Variants in SEMA3E observed in about 807,000 individuals in gnomAD.
SEMA3E encodes semaphorin 3E, also known as semaphorin-3E.
SEMA3E carries 49 observed loss-of-function variants against 93.6 expected under a neutral mutation model. That is an observed-to-expected ratio of 0.52 (90% CI 0.42 to 0.66). The LOEUF is 0.66. Among genes scored for constraint, SEMA3E ranks in the 30% least tolerant of loss-of-function variants. The probability of loss-of-function intolerance (pLI) is 0.00; values close to 1 mark genes in which losing one functional copy is unlikely to be tolerated. For missense variants in SEMA3E, 906 were observed against 964.8 expected (o/e 0.94, Z 0.81); for synonymous variants, 363 against 330.7 (o/e 1.10, Z -1.06).
intron 1 of SEMA3E, among the ~76,000 whole-genome samples, chr7:83,533,060 T>C (rs1791336082): frequency 7.4e-6 from 1 of 134,936 alleles, no homozygotes; most frequent in African/African-American, 2.5e-5. Context: ...AAACACTGTG[T>C]CATCACAAGT....
intron 3 of SEMA3E, 114 bp downstream of exon 3, chr7:83,469,129 C>T: frequency 1.2e-6 from 1 of 805,090 alleles, no homozygotes; most frequent in Non-Finnish European, 2.1e-6. Context: ...CTTCATGAAC[C>T]AAATTGCATA....
chr7:83,610,864 A>G (rs1793237656), intron 1 of SEMA3E, among the ~76,000 whole-genome samples: 1 of 152,024 alleles, frequency 6.6e-6, no homozygotes, highest in South Asian at 2.1e-4. Context: ...TTGTGAGAAA[A>G]TCAAATTCAG....
chr7:83,482,370 TC>T (rs995554738), intron 2 of SEMA3E, among the ~76,000 whole-genome samples: 1 of 151,568 alleles, frequency 6.6e-6, no homozygotes, highest in African/African-American at 2.4e-5. Flanking sequence ...ATTGAGACCA[TC>T]CCAGCTAACA....
At chr7:83,396,755 A>T (rs1392925298) in intron 11 of SEMA3E, 26 bp from the exon 12 acceptor site, 1 of 1,496,842 alleles carries the variant, frequency 6.7e-7, no homozygotes, top group South Asian at 1.1e-5. Context: ...ACAAGAAATA[A>T]ACTAGAATCT....
Position 83,365,265 on chromosome 7 carries a change from C to T in SEMA3E, c.*2321G>A, listed in dbSNP as rs376125038. On this transcript the variant is annotated 3_prime_UTR_variant, in exon 17 of 17. Coordinates refer to ENST00000643230, the MANE Select transcript of SEMA3E (RefSeq NM_012431.3). The stretch of plus-strand genomic sequence containing the variant: ...TTTCTCTCTCCCTCCCTCTTCTTTC[C>T]CATTTCTCTTCAGTACTGCCATAAA... The T allele has an allele frequency of 1.3e-5, 2 of 151,922 alleles. No individual in the cohort carries two copies. The highest frequency in any genetic ancestry group is 2.9e-5 in the Non-Finnish European group (2 of 67,986). The allele number at this position is 151,922 out of a possible 1,614,324, so 9.4% of individuals were successfully genotyped here.
chr7:83,401,185 T>C (rs1788228041), intron 10 of SEMA3E, among the ~76,000 whole-genome samples: 1 of 152,130 alleles, frequency 6.6e-6, no homozygotes, highest in Admixed American at 6.6e-5. Context: ...CAACAGTAGC[T>C]TAAGTTACTC....
At position 83,648,390 on chromosome 7, in the gene SEMA3E, T is replaced by C. The variant is rs779730197; in HGVS notation, c.115+38A>G. 3.9e-5 allele frequency: 55 copies of C among 1,427,752 alleles called. 1 individual carries two copies. The highest frequency in any genetic ancestry group is 3.7e-5 in the Admixed American group (2 of 54,442). 88.4% of individuals were successfully genotyped at this position (1,427,752 alleles called of 1,614,324 possible). ...TTTTTCTTTTTTCTTTTTCTTTTTT[T>C]TTTTTTTTAAACAAAAGGATCTGGA... On this transcript the variant is annotated intron_variant, in intron 1 of 16. Coordinates refer to ENST00000643230, the MANE Select transcript of SEMA3E (RefSeq NM_012431.3).
intron 1 of SEMA3E, among the ~76,000 whole-genome samples, chr7:83,553,005 T>C (rs533102219): frequency 6.6e-6 from 1 of 152,220 alleles, no homozygotes; most frequent in East Asian, 1.9e-4. Context: ...AGTTCTGCTT[T>C]TTGCCCTTTG....
intron 1 of SEMA3E, among the ~76,000 whole-genome samples, chr7:83,619,943 A>G (rs917537755): frequency 4.6e-5 from 7 of 151,862 alleles, no homozygotes; most frequent in Non-Finnish European, 1.0e-4. Context: ...AGATAGATAG[A>G]TGCAAAACCA....
At chr7:83,525,092 C>T (rs909331923) in intron 1 of SEMA3E, among the ~76,000 whole-genome samples, 3 of 152,050 alleles carry the variant, frequency 2.0e-5, no homozygotes, top group African/African-American at 7.2e-5. Flanking sequence ...CATGTCTGAA[C>T]CGTGTTTATT....
chr7:83,390,487 C>A (rs527582880), intron 14 of SEMA3E, among the ~76,000 whole-genome samples: 2 of 152,186 alleles, frequency 1.3e-5, no homozygotes, highest in Admixed American at 1.3e-4. Context: ...TCATTTTAAA[C>A]AAGTGGTTTG....
chr7:83,476,283 T>G (rs1264891426), intron 2 of SEMA3E, among the ~76,000 whole-genome samples: 1 of 152,182 alleles, frequency 6.6e-6, no homozygotes, highest in Non-Finnish European at 1.5e-5. Flanking sequence ...CTGTAACATG[T>G]TAAATGAATA....
rs1791369366 is a variant in SEMA3E, at chr7:83,534,430, CT to C, written c.116-44157del. On this transcript the variant is annotated intron_variant, in intron 1 of 16. Coordinates refer to ENST00000643230, the MANE Select transcript of SEMA3E (RefSeq NM_012431.3). Reference sequence around the variant, plus strand: ...ATTTATAAATAACAGTACTTTTTATCTTTTCATTTACAATCATTATATATTA... The same window carrying C: ...ATTTATAAATAACAGTACTTTTTATCTTTCATTTACAATCATTATATATTA... Among the ~76,000 whole-genome samples the C allele has an allele frequency of 2.0e-5, 3 of 152,126 alleles. No individual in the cohort carries two copies. The South Asian group carries it at 6.2e-4, about 32-fold the overall frequency.
Position 83,436,505 on chromosome 7 carries a change from A to C in SEMA3E, c.457-18022T>G, listed in dbSNP as rs558263339. On this transcript the variant is annotated intron_variant, in intron 4 of 16. Transcript: ENST00000643230. The stretch of plus-strand genomic sequence containing the variant: ...CATACATATATATACACACATATAC[A>C]TATATATATATTTATGTTTCTGTTA... Among the ~76,000 whole-genome samples, 55 of 151,794 alleles carry C rather than the reference A, an allele frequency of 3.6e-4. 1 individual carries two copies. In the South Asian group the frequency reaches 0.01, roughly 29 times the overall value.
intron 1 of SEMA3E, among the ~76,000 whole-genome samples, chr7:83,599,173 T>C (rs1321979832): frequency 6.6e-6 from 1 of 152,194 alleles, no homozygotes; most frequent in Non-Finnish European, 1.5e-5. Context: ...TTTTATTAAA[T>C]ACAGAATGAT....
chr7:83,466,714 T>C, intron 3 of SEMA3E, 113 bp from the exon 4 acceptor site: 1 of 1,353,934 alleles, frequency 7.4e-7, no homozygotes, highest in Non-Finnish European at 1.0e-6. Flanking sequence ...TAAATCTCTG[T>C]TGGGTGAAGG....
At chr7:83,431,373 A>G (rs1358904380) in intron 4 of SEMA3E, among the ~76,000 whole-genome samples, 2 of 152,038 alleles carry the variant, frequency 1.3e-5, no homozygotes, top group African/African-American at 4.8e-5. Flanking sequence ...AAATTAAAAA[A>G]TATATCTTAA....
chr7:83,562,864 C>G (rs1792060652), intron 1 of SEMA3E, among the ~76,000 whole-genome samples: 1 of 151,948 alleles, frequency 6.6e-6, no homozygotes, highest in Non-Finnish European at 1.5e-5. Context: ...CATCAGAATC[C>G]CAAGAGGAAA....
At chr7:83,432,446 T>C (rs1379914986) in intron 4 of SEMA3E, among the ~76,000 whole-genome samples, 1 of 152,150 alleles carries the variant, frequency 6.6e-6, no homozygotes, top group East Asian at 1.9e-4. Flanking sequence ...TTAACAGAGA[T>C]GTTCTCACAC....
Sources: gnomAD v4.1 joint callset for allele counts (sites outside exome capture counted in the v4.1 genomes callset) on GRCh38, gnomAD v4.1.1 for gene constraint, MANE v1.5 for transcripts, NCBI Gene and HGNC (gene_info 2026-07-23, HGNC 2026-07-21) for gene names.